SEPTIN8: variants seen among roughly 807,000 people sequenced by gnomAD.
SEPTIN8 encodes the protein septin-8.
In SEPTIN8, 22 loss-of-function variants were observed where a neutral mutation model predicts 53.1. That is an observed-to-expected ratio of 0.41 (90% CI 0.30 to 0.59). The LOEUF (loss-of-function observed/expected upper bound fraction) is 0.59, where lower values mean the gene tolerates loss of function less well. SEPTIN8 is among the 20% of genes least tolerant of loss of function. The probability of loss-of-function intolerance (pLI) is 0.24; values close to 1 mark genes in which losing one functional copy is unlikely to be tolerated. For missense variants in SEPTIN8, 536 were observed against 638.7 expected, an observed-to-expected ratio of 0.84 and a Z score of 1.73; for synonymous variants, 228 against 248.4, an observed-to-expected ratio of 0.92 and a Z score of 0.77.
chr5:132,760,688 G>A lies in SEPTIN8; in HGVS notation c.1286+114C>T. The A allele has an allele frequency of 1.6e-5, 16 of 1,023,466 alleles. No individual in the cohort carries two copies. The South Asian group carries it at 2.3e-4, about 15-fold the overall frequency. The allele number at this position is 1,023,466 out of a possible 1,614,324, so 63.4% of individuals were successfully genotyped here. ...ACTGAAGATGAGGGAAAACCAAACA[G>A]GAAAGGGGTAAGAGAGGGCGAGCAG... On this transcript the variant is annotated intron_variant, in intron 9 of 9. Coordinates refer to ENST00000378719, the MANE Select transcript of SEPTIN8 (RefSeq NM_001098811.2). The surrounding 1 kb of genome is among the most constrained non-coding windows in gnomAD (Gnocchi z 5.2).
At chr5:132,757,960 T>C in intron 9 of SEPTIN8, 1 of 986,350 alleles carries the variant, frequency 1.0e-6, no homozygotes. Context: ...CAGGATTTGC[T>C]TGGGAGTCTT....
Position 132,770,101 on chromosome 5 carries a change from G to GTA in SEPTIN8, c.31-4574_31-4573dup, listed in dbSNP as rs1491013330. On this transcript the variant is annotated intron_variant, in intron 1 of 9. Transcript: ENST00000378719. ...TATATGTATATATGTATATATATAT[G>GTA]TATATATGTATATATATATATATGT... Among the ~76,000 whole-genome samples, 101 of 19,724 alleles carry GTA rather than the reference G, an allele frequency of 5.1e-3. 2 individuals carry two copies. Among genetic ancestry groups the GTA allele is most frequent in the Admixed American group, 6.8e-3 (9 of 1,326 alleles). 12.9% of individuals were successfully genotyped at this position (19,724 alleles called of 152,430 possible).
In SEPTIN8 at chr5:132,750,960, A is replaced by T; in HGVS notation, c.*1056T>A. 1 of 1,614,242 alleles carries T rather than the reference A, an allele frequency of 6.2e-7. No homozygotes were observed. The highest frequency in any genetic ancestry group is 8.5e-7 in the Non-Finnish European group (1 of 1,180,038). ...GCTATTCTGGACAGACTGCACTGGG[A>T]CCTCTATATTGGGACGCCGCTGGAC... On this transcript the variant is annotated 3_prime_UTR_variant, in exon 10 of 10. Transcript: ENST00000378719.
At chr5:132,768,679 G>T (rs951761885) in intron 1 of SEPTIN8, among the ~76,000 whole-genome samples, 42 of 152,352 alleles carry the variant, frequency 2.8e-4, no homozygotes, top group African/African-American at 9.4e-4. Context: ...CCCAGGGTGG[G>T]AGCCCATCAG....
chr5:132,757,651 C>T (rs1755468416), intron 9 of SEPTIN8: 1 of 985,314 alleles, frequency 1.0e-6, no homozygotes, highest in Non-Finnish European at 1.2e-6. Context: ...AACTACCCTT[C>T]CTTTCATTTA....
In SEPTIN8 at chr5:132,760,708, G is replaced by T; in HGVS notation, c.1286+94C>A. ...AAACAGGAAAGGGGTAAGAGAGGGC[G>T]AGCAGGAGAGCGAGAAGGGAGGTGA... On this transcript the variant is annotated intron_variant, in intron 9 of 9. Transcript: ENST00000378719. This position sits in a 1 kb window ranked among gnomAD's most constrained non-coding sequence, Gnocchi z 5.2. 1 of 1,196,780 alleles carries T rather than the reference G, an allele frequency of 8.4e-7. No homozygotes were observed. Among genetic ancestry groups the T allele is most frequent in the Non-Finnish European group, 1.2e-6 (1 of 843,570 alleles). The allele number at this position is 1,196,780 out of a possible 1,614,324, so 74.1% of individuals were successfully genotyped here.
In SEPTIN8 at chr5:132,751,793, C is replaced by G; in HGVS notation, c.*223G>C. ...GTCCCGGAGTGGAAGCTCAGCTTGGCCACAGGATGGGCATTAAGCCTCAAG... is the reference window on the plus strand; with the variant it reads ...GTCCCGGAGTGGAAGCTCAGCTTGGGCACAGGATGGGCATTAAGCCTCAAG... On this transcript the variant is annotated 3_prime_UTR_variant, in exon 10 of 10. Transcript: ENST00000378719. 1 of 750,676 alleles carries G rather than the reference C, an allele frequency of 1.3e-6. No homozygotes were observed. Among genetic ancestry groups the G allele is most frequent in the Admixed American group, 3.0e-5 (1 of 32,838 alleles). The allele number at this position is 750,676 out of a possible 1,614,324, so 46.5% of individuals were successfully genotyped here. A position where few individuals can be genotyped will look rare whatever the true frequency, so the allele number is the denominator to read the frequency against.
intron 1 of SEPTIN8, among the ~76,000 whole-genome samples, chr5:132,771,877 G>A (rs1275210865): frequency 1.3e-5 from 2 of 151,212 alleles, no homozygotes; most frequent in Non-Finnish European, 3.0e-5. Flanking sequence ...GGAGACATAC[G>A]TGGGAGGGTG....
intron 5 of SEPTIN8, among the ~76,000 whole-genome samples, 162 bp from the exon 6 acceptor site, chr5:132,762,058 A>G (rs1158715925): frequency 6.6e-6 from 1 of 151,582 alleles, no homozygotes; most frequent in Admixed American, 6.6e-5. Context: ...ATGTCCCAGA[A>G]CTCCAAACAG....
upstream of SEPTIN8, among the ~76,000 whole-genome samples, chr5:132,779,551 A>G (rs1252343070): frequency 6.6e-6 from 1 of 152,264 alleles, no homozygotes; most frequent in Non-Finnish European, 1.5e-5. Context: ...ACTTCGCTTC[A>G]GGAAATGCTG....
chr5:132,777,727 C>T, upstream of SEPTIN8: 6 of 985,500 alleles, frequency 6.1e-6, no homozygotes, highest in Non-Finnish European at 7.2e-6. This position sits in a 1 kb window ranked among gnomAD's most constrained non-coding sequence, Gnocchi z 4.1. Context: ...GAGGCCGCGG[C>T]AGCCTAGTCT....
At chr5:132,770,150 T>C (rs1173778889) in intron 1 of SEPTIN8, among the ~76,000 whole-genome samples, 1 of 103,962 alleles carries the variant, frequency 9.6e-6, no homozygotes, top group African/African-American at 7.5e-5. Context: ...TGTGTGTATA[T>C]ATATATATAT....
In SEPTIN8 at chr5:132,770,082, T is replaced by C. The variant is rs1264067351; in HGVS notation, c.31-4553A>G. On this transcript the variant is annotated intron_variant, in intron 1 of 9. Coordinates refer to ENST00000378719, the MANE Select transcript of SEPTIN8 (RefSeq NM_001098811.2). ...GTGTGTGTATATATATATATATATG[T>C]ATATATGTATATATATATGTATATA... Among the ~76,000 whole-genome samples, 7 of 39,162 alleles carry C rather than the reference T, an allele frequency of 1.8e-4. No homozygotes were observed. In the African/African-American group the frequency reaches 2.2e-3, roughly 12 times the overall value. The allele number at this position is 39,162 out of a possible 152,430, so 25.7% of individuals were successfully genotyped here.
At position 132,765,516 on chromosome 5, in the gene SEPTIN8, T is replaced by C; in HGVS notation, c.44A>G (p.Glu15Gly). ...DLERFSNAEP[E>G]PRSLSLGGHV... ...GCCGCCCAGGGAGAGGCTCCGGGGC[T>C]CTGGCTCTGCATTCTGCCAAGAGAG... The change falls in exon 2 of 10, where the codon GAG (glutamate) becomes GGG (glycine). Residue 15 changes from glutamate to glycine, a missense_variant. This residue lies in a region of SEPTIN8 where 395 missense variants were observed against 451.8 expected (regional missense o/e 0.87). Transcript: ENST00000378719. The C allele has an allele frequency of 6.2e-7, 1 of 1,602,742 alleles. No homozygotes were observed. The highest frequency in any genetic ancestry group is 8.5e-7 in the Non-Finnish European group (1 of 1,175,444).
Position 132,773,044 on chromosome 5 carries a change from A to G in SEPTIN8, c.30+4064T>C, listed in dbSNP as rs1387637547. Among the ~76,000 whole-genome samples the G allele has an allele frequency of 6.6e-6, 1 of 152,154 alleles. No individual in the cohort carries two copies. The highest frequency in any genetic ancestry group is 1.9e-4 in the East Asian group (1 of 5,186). ...CCCCAAGAACATGTAGGGCAACTGC[A>G]CGCAGAGCCAAGATGCCCCCTGCCC... On this transcript the variant is annotated intron_variant, in intron 1 of 9. Coordinates refer to ENST00000378719, the MANE Select transcript of SEPTIN8 (RefSeq NM_001098811.2). This position sits in a 1 kb window ranked among gnomAD's most constrained non-coding sequence, Gnocchi z 4.2.
intron 9 of SEPTIN8, chr5:132,756,815 G>A (rs780852235): frequency 9.1e-6 from 9 of 985,432 alleles, no homozygotes; most frequent in Non-Finnish European, 1.1e-5. Flanking sequence ...CACAATGGAC[G>A]AATGGCCAAG....
intron 9 of SEPTIN8, chr5:132,752,753 G>T: frequency 1.3e-6 from 1 of 761,858 alleles, no homozygotes. Flanking sequence ...GTCCTTAGTT[G>T]GGTGGTTGGA....
At position 132,760,899 on chromosome 5, in the gene SEPTIN8, C is replaced by G; in HGVS notation, c.1189G>C (p.Ala397Pro). Residue 397 changes from alanine to proline, a missense_variant, in exon 9 of 10, where the codon GCC becomes CCC. Physicochemically the swap from Ala to Pro is conservative, Grantham distance 27. Around this residue, in one of 3 missense-constraint regions of SEPTIN8, gnomAD observed 133 missense variants for 157.4 expected, o/e 0.84. Coordinates refer to ENST00000378719, the MANE Select transcript of SEPTIN8 (RefSeq NM_001098811.2). This position sits in a 1 kb window ranked among gnomAD's most constrained non-coding sequence, Gnocchi z 5.2. ...KRRELEEETN[A>P]FNRRKAAVEA... ...ACCGCAGCCTTCCGGCGATTGAAGG[C>G]GTTGGTCTCCTCCTCCAGTTCCCGG... is the stretch of plus-strand genomic sequence containing the variant. 6.2e-7 allele frequency: 1 copy of G among 1,610,958 alleles called. No homozygotes were observed. Among genetic ancestry groups the G allele is most frequent in the Non-Finnish European group, 8.5e-7 (1 of 1,179,064 alleles).
intron 2 of SEPTIN8, 55 bp downstream of exon 2, chr5:132,765,354 C>T: frequency 6.2e-7 from 1 of 1,600,536 alleles, no homozygotes; most frequent in Non-Finnish European, 8.5e-7. Context: ...GAAGCACCCC[C>T]TCTCCCAGGA....
Sources: allele counts gnomAD v4.1 joint callset (sites outside exome capture counted in the v4.1 genomes callset), GRCh38; gene constraint gnomAD v4.1.1; regional missense constraint gnomAD v4.1.1; non-coding constraint Gnocchi (gnomAD v3.1); transcripts MANE v1.5; gene names NCBI Gene and HGNC (gene_info 2026-07-23, HGNC 2026-07-21).